PAK1IP1: variants seen among roughly 807,000 people sequenced by gnomAD.
PAK1IP1 encodes the protein p21-activated protein kinase-interacting protein 1.
PAK1IP1 carries 24 observed loss-of-function variants against 42.0 expected under a neutral mutation model. The observed-to-expected ratio is 0.57, with a 90% CI of 0.41 to 0.80. PAK1IP1 has a LOEUF of 0.80. PAK1IP1 is among the 30% of genes least tolerant of loss of function. The pLI is 0.00. For synonymous variants in PAK1IP1, 154 were observed against 156.7 expected (o/e 0.98, Z 0.13); for missense variants, 411 against 467.9 (o/e 0.88, Z 1.12).
rs1418016801 is a variant in PAK1IP1, at chr6:10,702,507, C to CAAA, written c.368+18_368+19insAAA. On this transcript the variant is annotated intron_variant, in intron 3 of 9. Coordinates refer to ENST00000379568, the MANE Select transcript of PAK1IP1 (RefSeq NM_017906.3). ...GCTCACAAGTGAGTCGGGCTCTTTC[C>CAAA]CTTTGGCATTCTCGATGTGCCAGTC... is the stretch of plus-strand genomic sequence containing the variant. The CAAA allele has an allele frequency of 1.9e-6, 3 of 1,614,032 alleles. No homozygotes were observed. The South Asian group carries it at 3.3e-5, about 18-fold the overall frequency.
chr6:10,704,314 T>G (rs1770134022), intron 5 of PAK1IP1, among the ~76,000 whole-genome samples, 193 bp from the exon 6 acceptor site: 1 of 152,200 alleles, frequency 6.6e-6, no homozygotes, highest in Non-Finnish European at 1.5e-5. Context: ...TGTGAGCCAC[T>G]GCACCTGGCC....
upstream of PAK1IP1, among the ~76,000 whole-genome samples, chr6:10,693,901 A>G (rs1769589574): frequency 6.6e-6 from 1 of 152,062 alleles, no homozygotes; most frequent in South Asian, 2.1e-4. Context: ...GCTAATTTAT[A>G]ACATTTTTGT....
intron 5 of PAK1IP1, 73 bp downstream of exon 5, chr6:10,703,530 C>G: frequency 8.9e-7 from 1 of 1,118,864 alleles, no homozygotes; most frequent in Non-Finnish European, 1.3e-6. Context: ...AAATCTGAAA[C>G]TTTTTGAGCA....
rs1190490774 is a variant in PAK1IP1 at position 10,702,499 on chromosome 6, G to C, written c.368+10G>C. 2 of 1,614,044 alleles carry C rather than the reference G, an allele frequency of 1.2e-6. No individual in the cohort carries two copies. Among genetic ancestry groups the C allele is most frequent in the Admixed American group, 3.3e-5 (2 of 60,002 alleles). ...CAATTAAAGCTCACAAGTGAGTCGG[G>C]CTCTTTCCCTTTGGCATTCTCGATG... On this transcript the variant is annotated intron_variant, in intron 3 of 9. Transcript: ENST00000379568.
chr6:10,701,399 C>A (rs779035626), intron 2 of PAK1IP1, among the ~76,000 whole-genome samples: 5 of 152,196 alleles, frequency 3.3e-5, no homozygotes, highest in African/African-American at 4.8e-5. Flanking sequence ...TCTCTTCCTG[C>A]ATTAGTTTGC....
chr6:10,702,276 A>T, intron 2 of PAK1IP1, 93 bp from the exon 3 acceptor site: 22 of 907,898 alleles, frequency 2.4e-5, no homozygotes, highest in Non-Finnish European at 3.4e-5. Context: ...AAAGGTATTG[A>T]GTGTTTTACT....
intron 9 of PAK1IP1, 44 bp from the exon 10 acceptor site, chr6:10,709,194 G>T (rs1194357862): frequency 6.5e-7 from 1 of 1,549,650 alleles, no homozygotes. Flanking sequence ...TCATTCAAAG[G>T]GGAAAACAGT....
At chr6:10,707,154 C>T (rs577820085) in intron 7 of PAK1IP1, among the ~76,000 whole-genome samples, 2 of 152,258 alleles carry the variant, frequency 1.3e-5, no homozygotes, top group South Asian at 2.1e-4. Flanking sequence ...TTTGTGATAA[C>T]CTGATTATTT....
At chr6:10,705,428 T>C (rs1345701813) in intron 7 of PAK1IP1, among the ~76,000 whole-genome samples, 1 of 152,212 alleles carries the variant, frequency 6.6e-6, no homozygotes, top group South Asian at 2.1e-4. Context: ...TCAAGCATAT[T>C]TGAACAAACA....
rs1770137024 is a variant in PAK1IP1 at position 10,704,451 on chromosome 6, GA to G, written c.497-55del. The G allele has an allele frequency of 1.6e-5, 16 of 1,000,634 alleles. No individual in the cohort carries two copies. The Middle Eastern group carries it at 6.4e-4, about 40-fold the overall frequency. The allele number at this position is 1,000,634 out of a possible 1,614,324, so 62.0% of individuals were successfully genotyped here. A position where few individuals can be genotyped will look rare whatever the true frequency, so the allele number is the denominator to read the frequency against. ...AAATATTTGCTATTTTTATTACTAT[GA>G]TCATTTTATGTTTTATTTACAAAAT... On this transcript the variant is annotated intron_variant, in intron 5 of 9. Coordinates refer to ENST00000379568, the MANE Select transcript of PAK1IP1 (RefSeq NM_017906.3).
chr6:10,703,928 A>G (rs779601989), intron 5 of PAK1IP1, among the ~76,000 whole-genome samples: 1 of 152,128 alleles, frequency 6.6e-6, no homozygotes, highest in Non-Finnish European at 1.5e-5. Context: ...GCCTTGGGTT[A>G]CTTTCTTTTC....
upstream of PAK1IP1, chr6:10,694,599 A>C (rs60333007): frequency 0.071 from 12,712 of 178,258 alleles, 1,449 homozygotes; most frequent in African/African-American, 0.26. Context: ...ACAGCCCCTA[A>C]GCAACCGGCC....
At position 10,709,508 on chromosome 6, in the gene PAK1IP1, A is replaced by T; in HGVS notation, c.*56A>T. 1.7e-6 allele frequency: 2 copies of T among 1,184,352 alleles called. No individual in the cohort carries two copies. Among genetic ancestry groups the T allele is most frequent in the African/African-American group, 2.1e-5 (1 of 48,678 alleles). The allele number at this position is 1,184,352 out of a possible 1,614,324, so 73.4% of individuals were successfully genotyped here. A position where few individuals can be genotyped will look rare whatever the true frequency, so the allele number is the denominator to read the frequency against. Reference sequence around the variant, plus strand: ...AGATGAAATCATTCTACTCAAATGTACCTTAATTTTTTTTTTTTCCCTGAG... The same window carrying T: ...AGATGAAATCATTCTACTCAAATGTTCCTTAATTTTTTTTTTTTCCCTGAG... On this transcript the variant is annotated 3_prime_UTR_variant, in exon 10 of 10. Transcript: ENST00000379568.
chr6:10,708,820 A>C, intron 8 of PAK1IP1, 133 bp from the exon 9 acceptor site: 5 of 718,924 alleles, frequency 7.0e-6, no homozygotes, highest in Non-Finnish European at 1.1e-5. Flanking sequence ...TCATGAGTGA[A>C]GATTATATGT....
At chr6:10,694,903 GTT>G (rs878881986), upstream of PAK1IP1, 42,125 of 590,360 alleles carry the variant, frequency 0.071, 15 homozygotes, top group Middle Eastern at 0.084. Context: ...GGAGTCAGGT[GTT>G]TTTTTTTTTT....
In PAK1IP1 at chr6:10,704,836, T is replaced by A; in HGVS notation, c.732T>A (p.His244Gln). ...TGTGCCTCTGCGAATTTAAAGCTCA[T>A]GAAAACAGGTATTTTTACCAATCTT... ...SLVCLCEFKA[H>Q]ENRVKDMFSF... The change falls in exon 7 of 10, where the codon CAT becomes CAA. Residue 244 changes from histidine to glutamine, a missense_variant. His to Gln is a conservative substitution (Grantham distance 24, BLOSUM62 0). Transcript: ENST00000379568. The A allele has an allele frequency of 6.3e-7, 1 of 1,599,516 alleles. No individual in the cohort carries two copies. Among genetic ancestry groups the A allele is most frequent in the Non-Finnish European group, 8.6e-7 (1 of 1,166,710 alleles).
At chr6:10,698,183 A>G (rs1561890665) in intron 2 of PAK1IP1, among the ~76,000 whole-genome samples, 1 of 152,210 alleles carries the variant, frequency 6.6e-6, no homozygotes, top group Non-Finnish European at 1.5e-5. Context: ...CCAAGAAAGT[A>G]GAAGAGAACA....
At chr6:10,703,203 G>A (rs535057673) in intron 4 of PAK1IP1, among the ~76,000 whole-genome samples, 3 of 152,172 alleles carry the variant, frequency 2.0e-5, no homozygotes, top group South Asian at 2.1e-4. Flanking sequence ...CAATGGATAC[G>A]AGATGTTAAA....
chr6:10,691,277 G>C (rs542252060), upstream of PAK1IP1, among the ~76,000 whole-genome samples: 1 of 152,272 alleles, frequency 6.6e-6, no homozygotes, highest in Admixed American at 6.5e-5. Context: ...ATTCGGCCGG[G>C]ATCTTCGGCA....
Sources: allele counts gnomAD v4.1 joint callset (sites outside exome capture counted in the v4.1 genomes callset), GRCh38; gene constraint gnomAD v4.1.1; transcripts MANE v1.5; gene names NCBI Gene and HGNC (gene_info 2026-07-23, HGNC 2026-07-21).